CASR: variants seen among roughly 807,000 people sequenced by gnomAD.
CASR encodes the protein extracellular calcium-sensing receptor.
In CASR, 23 loss-of-function variants were observed where a neutral mutation model predicts 69.1. That is an observed-to-expected ratio of 0.33 (90% CI 0.24 to 0.47). The LOEUF is 0.47. Ranked by LOEUF, CASR falls within the 20% of genes least tolerant of loss-of-function variation. CASR has a pLI of 1.00. For missense variants in CASR, 924 were observed against 1,356.1 expected, an observed-to-expected ratio of 0.68 and a Z score of 5.00; for synonymous variants, 541 against 544.7, an observed-to-expected ratio of 0.99 and a Z score of 0.10.
intron 3 of CASR, among the ~76,000 whole-genome samples, chr3:122,261,216 G>C (rs2074617456): frequency 6.6e-6 from 1 of 152,200 alleles, no homozygotes; most frequent in Admixed American, 6.5e-5. Flanking sequence ...TTCTTGAAAG[G>C]CTAAGTACAT....
At chr3:122,215,641 T>C (rs1343984607) in intron 1 of CASR, among the ~76,000 whole-genome samples, 1 of 152,226 alleles carries the variant, frequency 6.6e-6, no homozygotes, top group Non-Finnish European at 1.5e-5. Flanking sequence ...TTTTGGAATA[T>C]CATCAGTTTT....
At chr3:122,261,406 G>A (rs1423233627) in intron 3 of CASR, 122 bp from the exon 4 acceptor site, 12 of 848,002 alleles carry the variant, frequency 1.4e-5, no homozygotes, top group Non-Finnish European at 2.4e-5. Context: ...ACAGTGAACA[G>A]CATAGTTGAT....
intron 1 of CASR, among the ~76,000 whole-genome samples, chr3:122,223,482 C>T (rs776986395): frequency 1.3e-5 from 2 of 152,116 alleles, no homozygotes; most frequent in Admixed American, 6.6e-5. Context: ...ATCCAAGCCT[C>T]TCAAGATTGA....
intron 4 of CASR, among the ~76,000 whole-genome samples, chr3:122,268,865 C>A (rs927022491): frequency 2.0e-5 from 3 of 152,126 alleles, no homozygotes; most frequent in African/African-American, 7.2e-5. Flanking sequence ...ACACAAGAAA[C>A]CACAGTAATG....
chr3:122,234,563 A>G (rs2107610569), intron 1 of CASR, among the ~76,000 whole-genome samples: 1 of 152,364 alleles, frequency 6.6e-6, no homozygotes, highest in Admixed American at 6.5e-5. Flanking sequence ...CAAACATGAG[A>G]GGATGGAATT....
At position 122,284,010 on chromosome 3, in the gene CASR, A is replaced by G. The variant is rs753013993; in HGVS notation, c.2056A>G (p.Ile686Val). 56 of 1,613,970 alleles carry G rather than the reference A, an allele frequency of 3.5e-5. 1 individual carries two copies. In the South Asian group the frequency reaches 5.9e-4, roughly 17 times the overall value. ...TCRLRQPAFG[I>V]SFVLCISCIL... ...CCGCCTGCGCCAGCCGGCCTTTGGC[A>G]TCAGCTTCGTGCTCTGCATCTCATG... is the stretch of plus-strand genomic sequence containing the variant. The change falls in exon 7 of 7, where the codon ATC becomes GTC. Residue 686 changes from isoleucine (I) to valine (V), a missense_variant. By Grantham distance (29) the Ile-to-Val change is conservative. Coordinates refer to ENST00000639785, the MANE Select transcript of CASR (RefSeq NM_000388.4).
In CASR at chr3:122,262,085, G is replaced by A. The variant is rs754734016; in HGVS notation, c.1050G>A (p.Glu350=). 6.2e-7 allele frequency: 1 copy of A among 1,614,212 alleles called. No homozygotes were observed. The highest frequency in any genetic ancestry group is 8.5e-7 in the Non-Finnish European group (1 of 1,180,036). Residue 350 remains glutamate, a synonymous_variant, in exon 4 of 7, where the codon GAG becomes GAA. Coordinates refer to ENST00000639785, the MANE Select transcript of CASR (RefSeq NM_000388.4). ...CTGTCCACAATGGTTTTGCCAAGGA[G>A]TTTTGGGAAGAAACATTTAACTGCC... is the stretch of plus-strand genomic sequence containing the variant. ...RKSVHNGFAK[E]FWEETFNCHL... is the part of the protein sequence containing the mutation.
At position 122,284,286 on chromosome 3, in the gene CASR, G is replaced by T; in HGVS notation, c.2332G>T (p.Gly778Cys). ...CCTCATGGCCCTGGGCTTCCTGATC[G>T]GCTACACCTGCCTGCTGGCTGCCAT... is the stretch of plus-strand genomic sequence containing the variant. ...GSLMALGFLI[G>C]YTCLLAAICF... Residue 778 changes from glycine (G) to cysteine (C), a missense_variant, in exon 7 of 7, where the codon GGC becomes TGC. Transcript: ENST00000639785. 1.9e-6 allele frequency: 3 copies of T among 1,614,066 alleles called. No homozygotes were observed. The highest frequency in any genetic ancestry group is 2.5e-6 in the Non-Finnish European group (3 of 1,180,040).
intron 1 of CASR, among the ~76,000 whole-genome samples, chr3:122,225,035 T>C (rs565350016): frequency 6.6e-6 from 1 of 152,246 alleles, no homozygotes; most frequent in Non-Finnish European, 1.5e-5. Context: ...TGAAACTGGA[T>C]CCCTTCCTTT....
chr3:122,235,561 G>A (rs1160431716), intron 1 of CASR, among the ~76,000 whole-genome samples: 4 of 152,156 alleles, frequency 2.6e-5, no homozygotes, highest in Non-Finnish European at 5.9e-5. Context: ...TTTTTGTTTG[G>A]CTGTGTTATC....
chr3:122,263,170 A>G (rs1415907622), intron 4 of CASR, among the ~76,000 whole-genome samples: 4 of 151,816 alleles, frequency 2.6e-5, no homozygotes, highest in Non-Finnish European at 4.4e-5. Flanking sequence ...CATGTTTCAC[A>G]CTCCTTTTGT....
intron 1 of CASR, among the ~76,000 whole-genome samples, chr3:122,184,945 G>C (rs1398314865): frequency 2.6e-5 from 4 of 152,176 alleles, no homozygotes; most frequent in African/African-American, 9.7e-5. Flanking sequence ...GTCAGCTCTG[G>C]CCCCAGGGGC....
In CASR at chr3:122,249,350, G is replaced by A. The variant is rs180820020; in HGVS notation, c.-242-4598G>A. ...CACCGTCCTTATAATGCGCCTTTCT[G>A]TCTCTTTTTAAACCTTGAGCACCTT... On this transcript the variant is annotated intron_variant, in intron 1 of 6. Transcript: ENST00000639785. Among the ~76,000 whole-genome samples, 710 of 152,272 alleles carry A rather than the reference G, an allele frequency of 4.7e-3. 1 individual carries two copies. The highest frequency in any genetic ancestry group is 7.1e-3 in the Non-Finnish European group (484 of 68,022).
At chr3:122,263,129 TGC>T (rs2107633810) in intron 4 of CASR, among the ~76,000 whole-genome samples, 1 of 152,366 alleles carries the variant, frequency 6.6e-6, no homozygotes, top group South Asian at 2.1e-4. Context: ...GTTCGGGTCT[TGC>T]ATATGTGCCT....
In CASR at chr3:122,191,807, T is replaced by A. The variant is rs1228007384; in HGVS notation, c.-243+7995T>A. Reference sequence around the variant, plus strand: ...TGTAATGGTTTTCAAATGAAGACAATCACATGGGTGGTGAAACATACAAAT... The same window carrying A: ...TGTAATGGTTTTCAAATGAAGACAAACACATGGGTGGTGAAACATACAAAT... On this transcript the variant is annotated intron_variant, in intron 1 of 6. Transcript: ENST00000639785. Among the ~76,000 whole-genome samples, 2 of 152,134 alleles carry A rather than the reference T, an allele frequency of 1.3e-5. 1 individual carries two copies. Among genetic ancestry groups the A allele is most frequent in the Admixed American group, 1.3e-4 (2 of 15,282 alleles).
intron 4 of CASR, among the ~76,000 whole-genome samples, chr3:122,271,412 A>G (rs1371400034): frequency 6.6e-6 from 1 of 151,708 alleles, no homozygotes; most frequent in Non-Finnish European, 1.5e-5. Flanking sequence ...CCTCCTGCCT[A>G]CTCTTTATCT....
intron 1 of CASR, among the ~76,000 whole-genome samples, chr3:122,243,947 A>C (rs902220016): frequency 4.6e-5 from 7 of 152,216 alleles, no homozygotes; most frequent in Admixed American, 3.9e-4. Context: ...TGCATGTTCT[A>C]ACTTATTTGT....
At chr3:122,261,130 T>A (rs1361833722) in intron 3 of CASR, among the ~76,000 whole-genome samples, 33 of 152,154 alleles carry the variant, frequency 2.2e-4, no homozygotes, top group East Asian at 1.9e-4. Flanking sequence ...GCCAAAGTTG[T>A]GTACATGGAT....
intron 1 of CASR, among the ~76,000 whole-genome samples, chr3:122,228,996 A>G (rs2074255011): frequency 6.6e-6 from 1 of 152,146 alleles, no homozygotes; most frequent in African/African-American, 2.4e-5. Context: ...TGTATTTACC[A>G]TCTTATTATA....
Sources: allele counts gnomAD v4.1 joint callset (sites outside exome capture counted in the v4.1 genomes callset), GRCh38; gene constraint gnomAD v4.1.1; transcripts MANE v1.5; gene names NCBI Gene and HGNC (gene_info 2026-07-23, HGNC 2026-07-21).